BMP1: variants seen among roughly 807,000 people sequenced by gnomAD.
The protein encoded by BMP1 is mammalian tolloid protein.
BMP1 carries 63 observed loss-of-function variants against 116.8 expected under a neutral mutation model. The observed-to-expected ratio is 0.54, with a 90% CI of 0.44 to 0.67. The LOEUF is 0.67. Ranked by LOEUF, BMP1 falls within the 30% of genes least tolerant of loss-of-function variation. The probability of loss-of-function intolerance (pLI) is 0.00; values close to 1 mark genes in which losing one functional copy is unlikely to be tolerated. For missense variants in BMP1, 1,183 were observed against 1,358.9 expected (o/e 0.87, Z 2.04); for synonymous variants, 536 against 533.4 (o/e 1.00, Z -0.07).
chr8:22,175,181 T>C (rs923705041), intron 2 of BMP1, among the ~76,000 whole-genome samples: 11 of 152,238 alleles, frequency 7.2e-5, no homozygotes, highest in Non-Finnish European at 5.9e-5. Context: ...CCAGGTGACT[T>C]TGGCCAAACC....
chr8:22,211,532 G>A lies in BMP1; in HGVS notation c.2827-62G>A. The A allele has an allele frequency of 2.5e-6, 4 of 1,606,230 alleles. No individual in the cohort carries two copies. In the South Asian group the frequency reaches 3.3e-5, roughly 13 times the overall value. On this transcript the variant is annotated intron_variant, in intron 19 of 19. Coordinates refer to ENST00000306385, the MANE Select transcript of BMP1 (RefSeq NM_006129.5). ...GCCCTTCAAAGCTGGGGATCTTGGG[G>A]AGGCAGGACAGCAGCCCCAGCCCCT...
At position 22,207,283 on chromosome 8, in the gene BMP1, C is replaced by T. The variant is rs756431162; in HGVS notation, c.2362-20C>T. The T allele has an allele frequency of 2.5e-6, 4 of 1,602,324 alleles. No individual in the cohort carries two copies. The highest frequency in any genetic ancestry group is 2.2e-5 in the East Asian group (1 of 44,558). On this transcript the variant is annotated intron_variant, in intron 17 of 19. Transcript: ENST00000306385. ...CTTCCAGCCAAATTTTTAATCTGTG[C>T]TCCTTCCTCATCCCCCTAGACCTTC...
At chr8:22,195,337 C>G in intron 12 of BMP1, 125 bp from the exon 13 acceptor site, 1 of 1,239,742 alleles carries the variant, frequency 8.1e-7, no homozygotes. Flanking sequence ...TGAAGGAAGG[C>G]TCTGTGGGGT....
intron 8 of BMP1, among the ~76,000 whole-genome samples, chr8:22,190,679 G>A (rs1005750238): frequency 3.4e-4 from 51 of 152,234 alleles, no homozygotes; most frequent in African/African-American, 1.1e-3. Context: ...GATAGGGCCC[G>A]TGTCAGAGTG....
chr8:22,194,994 A>C lies in BMP1; in HGVS notation c.1639+75A>C. 6.9e-7 allele frequency: 1 copy of C among 1,443,626 alleles called. No individual in the cohort carries two copies. The highest frequency in any genetic ancestry group is 9.4e-7 in the Non-Finnish European group (1 of 1,059,410). 89.4% of individuals were successfully genotyped at this position (1,443,626 alleles called of 1,614,324 possible). On this transcript the variant is annotated intron_variant, in intron 12 of 19. Transcript: ENST00000306385. The surrounding 1 kb of genome is among the most constrained non-coding windows in gnomAD (Gnocchi z 4.5). ...TCCCTTCTTCACTCACTCATTCAACACGGAGACTCCAGGAGGCATATTGAT... is the reference window on the plus strand; with the variant it reads ...TCCCTTCTTCACTCACTCATTCAACCCGGAGACTCCAGGAGGCATATTGAT...
At chr8:22,196,328 C>T (rs1186476889) in intron 13 of BMP1, 1 of 579,880 alleles carries the variant, frequency 1.7e-6, no homozygotes, top group Non-Finnish European at 3.3e-6. Flanking sequence ...CCCCGAGCTG[C>T]TCCCTTTCCT....
chr8:22,205,256 AGCTGG>A (rs1360366357), intron 16 of BMP1, among the ~76,000 whole-genome samples: 1 of 152,098 alleles, frequency 6.6e-6, no homozygotes, highest in Non-Finnish European at 1.5e-5. Context: ...TGAGAGATGG[AGCTGG>A]TAAAGGCCAA....
intron 8 of BMP1, among the ~76,000 whole-genome samples, chr8:22,184,119 C>T (rs1351460819): frequency 6.6e-6 from 1 of 152,260 alleles, no homozygotes; most frequent in Admixed American, 6.5e-5. Flanking sequence ...TGTGTGCCTG[C>T]TATGTGCCCA....
At chr8:22,206,165 G>A (rs1031391559) in intron 16 of BMP1, among the ~76,000 whole-genome samples, 2 of 152,008 alleles carry the variant, frequency 1.3e-5, no homozygotes, top group Non-Finnish European at 1.5e-5. Context: ...CCAGGAGTTC[G>A]AGACCAGCCT....
At chr8:22,180,772 C>T (rs1012267719) in intron 8 of BMP1, among the ~76,000 whole-genome samples, 4 of 152,220 alleles carry the variant, frequency 2.6e-5, no homozygotes, top group Non-Finnish European at 5.9e-5. Context: ...TCCTACATCA[C>T]CTCTTTTAGT....
chr8:22,199,163 A>G (rs1325229422), intron 15 of BMP1: 7 of 1,367,474 alleles, frequency 5.1e-6, no homozygotes, highest in South Asian at 1.1e-5. Flanking sequence ...ACACATGTGC[A>G]CACACATTGC....
chr8:22,209,517 A>G lies in BMP1; in HGVS notation c.2648A>G (p.Asn883Ser), dbSNP rs201117241. The G allele has an allele frequency of 4.3e-6, 7 of 1,614,128 alleles. No individual in the cohort carries two copies. Among genetic ancestry groups the G allele is most frequent in the African/African-American group, 4.0e-5 (3 of 75,046 alleles). Reference protein sequence around the residue: ...LYSHAQFGDNNYPGGVDCEWV... With the variant: ...LYSHAQFGDNSYPGGVDCEWV... ...TCCCACGCCCAGTTTGGCGACAACA[A>G]CTACCCTGGGGGTGTGGACTGTGAG... Residue 883 changes from asparagine (N) to serine (S), a missense_variant, in exon 19 of 20, where the codon AAC becomes AGC. By Grantham distance (46) the Asn-to-Ser change is conservative. Coordinates refer to ENST00000306385, the MANE Select transcript of BMP1 (RefSeq NM_006129.5).
intron 15 of BMP1, chr8:22,199,529 C>G (rs931890669): frequency 2.3e-6 from 2 of 852,794 alleles, no homozygotes; most frequent in African/African-American, 3.6e-5. Flanking sequence ...CACTTTCCCC[C>G]ACTCATTCAT....
chr8:22,167,828 A>G (rs546804458), intron 1 of BMP1, among the ~76,000 whole-genome samples: 1 of 152,276 alleles, frequency 6.6e-6, no homozygotes, highest in East Asian at 1.9e-4. Flanking sequence ...GGAAACTCAC[A>G]TGGGCATTCC....
intron 13 of BMP1, chr8:22,196,142 G>T (rs771853353): frequency 2.0e-6 from 1 of 499,834 alleles, no homozygotes; most frequent in Admixed American, 2.1e-5. Context: ...TTTTGTAAAT[G>T]ACCATCTTGA....
At position 22,165,415 on chromosome 8, in the gene BMP1, G is replaced by A. The variant is rs748283868; in HGVS notation, c.10G>A (p.Val4Met). 3 of 1,527,142 alleles carry A rather than the reference G, an allele frequency of 2.0e-6. No individual in the cohort carries two copies. The Admixed American group carries it at 6.7e-5, about 34-fold the overall frequency. The allele number at this position is 1,527,142 out of a possible 1,614,324, so 94.6% of individuals were successfully genotyped here. MPG[V>M]ARLPLLLGLL... ...CCGCCGCCCCGCCAGCATGCCCGGCGTGGCCCGCCTGCCGCTGCTGCTCGG... is the reference window on the plus strand; with the variant it reads ...CCGCCGCCCCGCCAGCATGCCCGGCATGGCCCGCCTGCCGCTGCTGCTCGG... Residue 4 changes from valine to methionine, a missense_variant, in exon 1 of 20, where the codon GTG (valine) becomes ATG (methionine). Physicochemically the swap from Val to Met is conservative, Grantham distance 21. Coordinates refer to ENST00000306385, the MANE Select transcript of BMP1 (RefSeq NM_006129.5).
rs551227471 is a variant in BMP1, at chr8:22,184,586, G to C, written c.1077+4103G>C. On this transcript the variant is annotated intron_variant, in intron 8 of 19. Coordinates refer to ENST00000306385, the MANE Select transcript of BMP1 (RefSeq NM_006129.5). The stretch of plus-strand genomic sequence containing the variant: ...GGGGACGTGAACATTGAAAGGGCCT[G>C]CAGAGCCTGGTGTAGTAGAATACTA... 3.1e-4 allele frequency among the ~76,000 whole-genome samples: 47 copies of C among 152,348 alleles called. No individual in the cohort carries two copies. In the South Asian group the frequency reaches 9.5e-3, roughly 31 times the overall value.
intron 1 of BMP1, chr8:22,169,282 C>T (rs1032180036): frequency 2.6e-5 from 4 of 152,118 alleles, no homozygotes; most frequent in African/African-American, 9.7e-5. Context: ...CACTAAGAAC[C>T]TCCTAAGGAG....
At chr8:22,180,323 G>A (rs770623430) in intron 7 of BMP1, 45 bp from the exon 8 acceptor site, 2 of 1,507,664 alleles carry the variant, frequency 1.3e-6, no homozygotes, top group Non-Finnish European at 1.8e-6. Context: ...AAGATGGGGG[G>A]ATTTGGCGCC....
Sources: allele counts gnomAD v4.1 joint callset (sites outside exome capture counted in the v4.1 genomes callset), GRCh38; gene constraint gnomAD v4.1.1; non-coding constraint Gnocchi (gnomAD v3.1); transcripts MANE v1.5; gene names NCBI Gene and HGNC (gene_info 2026-07-23, HGNC 2026-07-21).